The following IL31RA variants were observed in gnomAD, a reference collection of about 807,000 sequenced individuals.
IL31RA encodes the protein interleukin-31 receptor subunit alpha.
In IL31RA, 66 loss-of-function variants were observed where a neutral mutation model predicts 83.7. The observed-to-expected ratio is 0.79, with a 90% confidence interval of 0.65 to 0.97. The LOEUF (loss-of-function observed/expected upper bound fraction) is 0.97, where lower values mean the gene tolerates loss of function less well. Ranked by LOEUF, IL31RA falls within the 50% of genes least tolerant of loss-of-function variation. The probability of loss-of-function intolerance (pLI) is 0.00; values close to 1 mark genes in which losing one functional copy is unlikely to be tolerated. For missense variants in IL31RA, 798 were observed against 919.4 expected (o/e 0.87, Z 1.71); for synonymous variants, 325 against 329.0 (o/e 0.99, Z 0.13).
At chr5:55,891,867 C>T (rs1223754907) in intron 6 of IL31RA, among the ~76,000 whole-genome samples, 1 of 147,776 alleles carries the variant, frequency 6.8e-6, no homozygotes, top group Non-Finnish European at 1.5e-5. Context: ...GCTCCGCCTC[C>T]CAGGTTCACA....
the IL31RA span, among the ~76,000 whole-genome samples, chr5:55,840,662 G>A: frequency 6.6e-6 from 1 of 152,140 alleles, no homozygotes; most frequent in Admixed American, 6.6e-5. Flanking sequence ...TCTAAGCTTT[G>A]TATGTTCTCT....
At chr5:55,915,521 C>T (rs750037741) in intron 14 of IL31RA, among the ~76,000 whole-genome samples, 1 of 152,158 alleles carries the variant, frequency 6.6e-6, no homozygotes, top group Non-Finnish European at 1.5e-5. Context: ...GGTTTAATTT[C>T]TTGCTTACGT....
At chr5:55,846,076 A>T in the IL31RA span, among the ~76,000 whole-genome samples, 2 of 152,260 alleles carry the variant, frequency 1.3e-5, no homozygotes, top group East Asian at 3.9e-4. Flanking sequence ...CTACCCTGGT[A>T]CTGGTTCCTG....
rs926887284 is a variant in IL31RA, at chr5:55,868,004, C to T, written c.155-787C>T. On this transcript the variant is annotated intron_variant, in intron 2 of 14. Transcript: ENST00000652347. ...CAAACCATATAAATATTTTAAGGTA[C>T]CTGCAGCAACGAAAATATAATATGA... Among the ~76,000 whole-genome samples the T allele has an allele frequency of 2.6e-5, 4 of 152,152 alleles. No individual in the cohort carries two copies. The East Asian group carries it at 7.7e-4, about 29-fold the overall frequency.
chr5:55,900,348 G>A (rs1408065335), intron 8 of IL31RA, among the ~76,000 whole-genome samples: 1 of 152,150 alleles, frequency 6.6e-6, no homozygotes, highest in African/African-American at 2.4e-5. Flanking sequence ...AAAAATCAGA[G>A]ACTTTATAAA....
intron 13 of IL31RA, 65 bp from the exon 14 acceptor site, chr5:55,914,782 C>G (rs541716548): frequency 8.6e-7 from 1 of 1,159,446 alleles, no homozygotes; most frequent in South Asian, 1.2e-5. Flanking sequence ...ACTCTTTTGA[C>G]TCAGCCATAT....
chr5:55,857,137 C>T (rs1745409899), intron 1 of IL31RA, among the ~76,000 whole-genome samples: 1 of 150,966 alleles, frequency 6.6e-6, no homozygotes, highest in Admixed American at 6.6e-5. Context: ...CTGGCTCTGT[C>T]ACCCAGGCTG....
intron 6 of IL31RA, among the ~76,000 whole-genome samples, chr5:55,890,636 T>C (rs1580707683): frequency 1.3e-5 from 2 of 152,120 alleles, no homozygotes; most frequent in African/African-American, 4.8e-5. Flanking sequence ...TCCCAAAGTG[T>C]TGGGATTACA....
intron 1 of IL31RA, among the ~76,000 whole-genome samples, chr5:55,856,427 A>AC (rs1745368318): frequency 6.6e-6 from 1 of 152,172 alleles, no homozygotes; most frequent in African/African-American, 2.4e-5. Flanking sequence ...AAGGCTGATG[A>AC]CCCAGGGATG....
intron 11 of IL31RA, 24 bp from the exon 12 acceptor site, chr5:55,910,508 T>C (rs1749435018): frequency 6.2e-7 from 1 of 1,613,788 alleles, no homozygotes; most frequent in African/African-American, 1.3e-5. Context: ...GCTGTGGTGT[T>C]TGACCTTTGT....
At chr5:55,889,189 A>G (rs560977160) in intron 5 of IL31RA, among the ~76,000 whole-genome samples, 2,000 of 152,324 alleles carry the variant, frequency 0.013, 17 homozygotes, top group Non-Finnish European at 0.023. Flanking sequence ...TGCAGCAACA[A>G]TGACTGTGCT....
chr5:55,872,236 C>A, intron 3 of IL31RA, 34 bp from the exon 4 acceptor site: 1 of 1,507,628 alleles, frequency 6.6e-7, no homozygotes, highest in Non-Finnish European at 9.2e-7. Context: ...AACCATTGTA[C>A]TAAACTCATG....
chr5:55,912,416 G>A (rs1443020642), intron 12 of IL31RA, among the ~76,000 whole-genome samples: 1 of 152,110 alleles, frequency 6.6e-6, no homozygotes, highest in Non-Finnish European at 1.5e-5. Flanking sequence ...TCTTCTGCCT[G>A]GAATGCTTTT....
chr5:55,847,269 A>T (rs1448870690), upstream of IL31RA, among the ~76,000 whole-genome samples: 1 of 148,546 alleles, frequency 6.7e-6, no homozygotes, highest in Non-Finnish European at 1.5e-5. Flanking sequence ...ATAAATAAAT[A>T]AATAAATAAA....
chr5:55,878,287 A>G (rs1746979644), intron 4 of IL31RA, among the ~76,000 whole-genome samples: 1 of 152,142 alleles, frequency 6.6e-6, no homozygotes, highest in Non-Finnish European at 1.5e-5. Context: ...AGCTCTTTGA[A>G]CATATTTAAG....
chr5:55,864,312 C>CA (rs748863043), intron 2 of IL31RA, among the ~76,000 whole-genome samples: 2 of 146,578 alleles, frequency 1.4e-5, no homozygotes, highest in South Asian at 2.2e-4. Context: ...CACACACACA[C>CA]CACACATATA....
At chr5:55,864,441 C>T (rs1317545859) in intron 2 of IL31RA, among the ~76,000 whole-genome samples, 1 of 150,182 alleles carries the variant, frequency 6.7e-6, no homozygotes, top group Admixed American at 6.7e-5. Context: ...ACACTACACA[C>T]ACACACCACA....
At chr5:55,872,765 C>A (rs2112386753) in intron 4 of IL31RA, among the ~76,000 whole-genome samples, 1 of 151,950 alleles carries the variant, frequency 6.6e-6, no homozygotes, top group East Asian at 1.9e-4. Context: ...CTCCCCACCA[C>A]CCCACCCTGC....
At position 55,918,802 on chromosome 5, in the gene IL31RA, C is replaced by T. The variant is rs73120405; in HGVS notation, c.*1682C>T. 6.6e-6 allele frequency among the ~76,000 whole-genome samples: 1 copy of T among 152,072 alleles called. No individual in the cohort carries two copies. The highest frequency in any genetic ancestry group is 1.5e-5 in the Non-Finnish European group (1 of 68,008). On this transcript the variant is annotated 3_prime_UTR_variant, in exon 15 of 15. Coordinates refer to ENST00000652347, the MANE Select transcript of IL31RA (RefSeq NM_139017.7). Reference sequence around the variant, plus strand: ...ATCTCCAGCGGCTGCAGCCACCCCCCCACCACCCACCCAGGACTCAGTACT... The same window carrying T: ...ATCTCCAGCGGCTGCAGCCACCCCCTCACCACCCACCCAGGACTCAGTACT...
Sources: gnomAD v4.1 joint callset for allele counts (sites outside exome capture counted in the v4.1 genomes callset) on GRCh38, gnomAD v4.1.1 for gene constraint, MANE v1.5 for transcripts, NCBI Gene and HGNC (gene_info 2026-07-23, HGNC 2026-07-21) for gene names.